Variants in ENAH observed in about 807,000 individuals in gnomAD.
The protein encoded by ENAH is protein enabled homolog.
A neutral mutation model predicts 78.7 loss-of-function variants in ENAH; 23 were observed. The ratio of observed to expected loss-of-function variants is 0.29; its 90% CI spans 0.21 to 0.41. ENAH has a LOEUF of 0.41. Ranked by LOEUF, ENAH falls within the 10% of genes least tolerant of loss-of-function variation. The pLI, the probability that ENAH is intolerant of heterozygous loss-of-function variation, is 1.00. For synonymous variants in ENAH, 226 were observed against 241.0 expected, an observed-to-expected ratio of 0.94 and a Z score of 0.58; for missense variants, 544 against 691.0, an observed-to-expected ratio of 0.79 and a Z score of 2.39.
chr1:225,639,569 G>A (rs1660649754), intron 1 of ENAH, among the ~76,000 whole-genome samples: 1 of 152,022 alleles, frequency 6.6e-6, no homozygotes, highest in African/African-American at 2.4e-5. Flanking sequence ...CAGCAAGAAG[G>A]CCCTCACCAG....
intron 9 of ENAH, 152 bp downstream of exon 9, chr1:225,512,505 A>C: frequency 1.4e-6 from 1 of 699,054 alleles, no homozygotes; most frequent in Non-Finnish European, 2.3e-6. Flanking sequence ...ATAACAGTCA[A>C]AACAAGCCAC....
intron 7 of ENAH, among the ~76,000 whole-genome samples, chr1:225,513,634 C>G (rs913492573): frequency 2.6e-5 from 4 of 152,086 alleles, no homozygotes; most frequent in Non-Finnish European, 5.9e-5. Flanking sequence ...ATAAAATTCA[C>G]ACTGAGGTAC....
chr1:225,619,418 C>A (rs909523558), intron 1 of ENAH, among the ~76,000 whole-genome samples: 2 of 152,158 alleles, frequency 1.3e-5, no homozygotes, highest in Non-Finnish European at 2.9e-5. Context: ...GTGGCAAGCA[C>A]CTGTAGTCCC....
chr1:225,642,757 GAAGA>G (rs201620600), intron 1 of ENAH, among the ~76,000 whole-genome samples: 2,652 of 152,222 alleles, frequency 0.017, 78 homozygotes, highest in African/African-American at 0.061. Context: ...TAAATCATTA[GAAGA>G]AAAACTACAC....
intron 2 of ENAH, among the ~76,000 whole-genome samples, chr1:225,555,989 G>GT (rs761053721): frequency 2.6e-5 from 4 of 152,046 alleles, no homozygotes; most frequent in African/African-American, 9.7e-5. Context: ...TGTATTAAAC[G>GT]TATCTGCTCT....
intron 2 of ENAH, among the ~76,000 whole-genome samples, chr1:225,559,907 G>A (rs577788295): frequency 1.4e-3 from 210 of 152,272 alleles, no homozygotes; most frequent in Non-Finnish European, 2.3e-3. Flanking sequence ...CTGGGTTCAC[G>A]GCAAAAGACT....
At position 225,499,700 on chromosome 1, in the gene ENAH, C is replaced by A. The variant is rs181515544; in HGVS notation, c.1617+1292G>T. On this transcript the variant is annotated intron_variant, in intron 12 of 13. Coordinates refer to ENST00000366843, the MANE Select transcript of ENAH (RefSeq NM_018212.6). ...AACAAAAAACAAAGAAATAAAAAAACCCCCTGCAGATTCAAGATCAGAGGT... is the reference window on the plus strand; with the variant it reads ...AACAAAAAACAAAGAAATAAAAAAAACCCCTGCAGATTCAAGATCAGAGGT... Among the ~76,000 whole-genome samples the A allele has an allele frequency of 3.3e-3, 501 of 151,966 alleles. 1 individual carries two copies. The highest frequency in any genetic ancestry group is 0.013 in the South Asian group (64 of 4,810).
At chr1:225,517,706 G>A (rs775967054) in intron 5 of ENAH, 9 of 1,551,094 alleles carry the variant, frequency 5.8e-6, no homozygotes, top group Non-Finnish European at 6.1e-6. Context: ...GGAGAAGAAG[G>A]TCGAGAGTTT....
intron 1 of ENAH, among the ~76,000 whole-genome samples, chr1:225,576,275 C>CAAAAAAAAAAAAAAAACAAAAAAA (rs2096787478): frequency 1.2e-5 from 1 of 82,500 alleles, no homozygotes; most frequent in African/African-American, 4.5e-5. Flanking sequence ...GACTCTGTCT[C>CAAAAAAAAAAAAAAAACAAAAAAA]AAAAAAAAAA....
At chr1:225,557,284 G>A (rs79909238) in intron 2 of ENAH, among the ~76,000 whole-genome samples, 6,566 of 151,988 alleles carry the variant, frequency 0.043, 233 homozygotes, top group South Asian at 0.11. Context: ...ATTATTAATC[G>A]AGTTCTAAGT....
chr1:225,530,402 T>A, intron 4 of ENAH, 152 bp downstream of exon 4: 2 of 585,354 alleles, frequency 3.4e-6, no homozygotes, highest in Non-Finnish European at 6.1e-6. Flanking sequence ...ATCTGGTAAC[T>A]TACTAATGAC....
At chr1:225,521,408 C>T (rs554008462) in intron 4 of ENAH, among the ~76,000 whole-genome samples, 117 of 152,036 alleles carry the variant, frequency 7.7e-4, no homozygotes, top group African/African-American at 2.5e-3. Context: ...CCTGTAATCC[C>T]AGCACTTTGG....
At chr1:225,643,511 T>G (rs1575846565) in intron 1 of ENAH, among the ~76,000 whole-genome samples, 1 of 152,320 alleles carries the variant, frequency 6.6e-6, no homozygotes, top group African/African-American at 2.4e-5. Flanking sequence ...CACAGCAGTG[T>G]TTTTTATAAT....
At chr1:225,561,457 A>G (rs1249281032) in intron 2 of ENAH, among the ~76,000 whole-genome samples, 1 of 136,700 alleles carries the variant, frequency 7.3e-6, no homozygotes, top group Non-Finnish European at 1.7e-5. Context: ...CCCTGTCTCT[A>G]CTAAAAATAT....
At chr1:225,572,284 T>C (rs974134525) in intron 1 of ENAH, among the ~76,000 whole-genome samples, 1 of 152,172 alleles carries the variant, frequency 6.6e-6, no homozygotes, top group Non-Finnish European at 1.5e-5. Context: ...TAAGCAGTTT[T>C]AGACTTCATG....
chr1:225,504,691 T>C (rs949763649), intron 11 of ENAH, among the ~76,000 whole-genome samples: 1 of 152,204 alleles, frequency 6.6e-6, no homozygotes, highest in Non-Finnish European at 1.5e-5. Context: ...TTCAACTTTT[T>C]TGAAACCTTG....
intron 1 of ENAH, among the ~76,000 whole-genome samples, chr1:225,602,561 A>G (rs915614678): frequency 1.1e-4 from 17 of 152,212 alleles, no homozygotes; most frequent in Admixed American, 1.0e-3. Context: ...AACCTACTTA[A>G]TAATTTTTTT....
At chr1:225,603,974 T>A (rs1298934742) in intron 1 of ENAH, among the ~76,000 whole-genome samples, 1 of 152,244 alleles carries the variant, frequency 6.6e-6, no homozygotes, top group Admixed American at 6.5e-5. Flanking sequence ...AGTAGCCTTT[T>A]GCATACCAGG....
intron 1 of ENAH, among the ~76,000 whole-genome samples, chr1:225,617,925 A>C (rs1656082327): frequency 6.6e-6 from 1 of 152,230 alleles, no homozygotes; most frequent in South Asian, 2.1e-4. Context: ...GCAAAATCTT[A>C]AGGGAAGGCA....
Sources: allele counts gnomAD v4.1 joint callset (sites outside exome capture counted in the v4.1 genomes callset), GRCh38; gene constraint gnomAD v4.1.1; transcripts MANE v1.5; gene names NCBI Gene and HGNC (gene_info 2026-07-23, HGNC 2026-07-21).